PKD1L1: variants seen among roughly 807,000 people sequenced by gnomAD.
PKD1L1 encodes polycystin 1 like 1, transient receptor potential channel interacting, also known as polycystin-1-like protein 1.
Under a neutral mutation model 323.4 loss-of-function variants are expected in PKD1L1, and 236 were observed. That is an observed-to-expected ratio of 0.73 (90% CI 0.66 to 0.81). The LOEUF is 0.81. Among genes scored for constraint, PKD1L1 ranks in the 40% least tolerant of loss-of-function variants. The pLI is 0.00. For missense variants in PKD1L1, 3,320 were observed against 3,508.0 expected, an observed-to-expected ratio of 0.95 and a Z score of 1.35; for synonymous variants, 1,344 against 1,335.0, an observed-to-expected ratio of 1.01 and a Z score of -0.15.
intron 55 of PKD1L1, 33 bp downstream of exon 55, chr7:47,795,956 T>C: frequency 6.3e-7 from 1 of 1,598,372 alleles, no homozygotes; most frequent in South Asian, 1.1e-5. Flanking sequence ...GTGTGTGCTA[T>C]CATGCTCAGT....
chr7:47,954,602 T>C, the PKD1L1 span, among the ~76,000 whole-genome samples: 1 of 116,790 alleles, frequency 8.6e-6, no homozygotes, highest in Non-Finnish European at 2.0e-5. Context: ...CCTAAAACTG[T>C]AATTACTCTT....
At chr7:47,809,648 T>C in intron 50 of PKD1L1, 71 bp from the exon 51 acceptor site, 1 of 1,109,046 alleles carries the variant, frequency 9.0e-7, no homozygotes, top group Non-Finnish European at 1.3e-6. Context: ...GGTCTAAACA[T>C]GTGACCAGCT....
intron 18 of PKD1L1, among the ~76,000 whole-genome samples, chr7:47,885,067 C>T (rs865826662): frequency 6.6e-6 from 1 of 152,152 alleles, no homozygotes. Context: ...GAATGCCCTG[C>T]TGCAAATGTC....
chr7:47,880,318 G>A (rs1268529109), intron 21 of PKD1L1, among the ~76,000 whole-genome samples: 5 of 89,008 alleles, frequency 5.6e-5, no homozygotes, highest in Non-Finnish European at 1.0e-4. Flanking sequence ...GTCTTGCTCT[G>A]TCGCCCAGGC....
intron 15 of PKD1L1, among the ~76,000 whole-genome samples, chr7:47,892,907 A>G (rs1786853088): frequency 6.6e-6 from 1 of 152,074 alleles, no homozygotes; most frequent in East Asian, 1.9e-4. Context: ...AGAAAGGAAG[A>G]AAAAGAAAAA....
chr7:47,838,948 G>A (rs1714159430), intron 36 of PKD1L1, among the ~76,000 whole-genome samples: 1 of 151,640 alleles, frequency 6.6e-6, no homozygotes, highest in African/African-American at 2.4e-5. Flanking sequence ...TATGAAATGT[G>A]TTTGTATATA....
At position 47,858,897 on chromosome 7, in the gene PKD1L1, G is replaced by C; in HGVS notation, c.4150-12C>G. 1 of 1,611,648 alleles carries C rather than the reference G, an allele frequency of 6.2e-7. No individual in the cohort carries two copies. The highest frequency in any genetic ancestry group is 8.5e-7 in the Non-Finnish European group (1 of 1,178,466). On this transcript the variant is annotated splice_polypyrimidine_tract_variant and intron_variant, in intron 26 of 56. Transcript: ENST00000289672. ...CTCATAAAGCCTAGCTGCATGAACAGAAAAGATGTAAATAAAATGCCTGGC... is the reference window on the plus strand; with the variant it reads ...CTCATAAAGCCTAGCTGCATGAACACAAAAGATGTAAATAAAATGCCTGGC...
At chr7:47,869,669 T>C (rs905131169) in intron 24 of PKD1L1, among the ~76,000 whole-genome samples, 3 of 152,174 alleles carry the variant, frequency 2.0e-5, no homozygotes, top group Non-Finnish European at 4.4e-5. Context: ...CTGTCAATAA[T>C]GGATAGAACC....
At chr7:47,943,961 A>G (rs1788048575) in intron 1 of PKD1L1, among the ~76,000 whole-genome samples, 2 of 152,208 alleles carry the variant, frequency 1.3e-5, no homozygotes, top group South Asian at 4.1e-4. Flanking sequence ...TGCTGCAGAA[A>G]AGAACAGCAT....
At chr7:47,821,824 A>T (rs1277070594) in intron 45 of PKD1L1, among the ~76,000 whole-genome samples, 1 of 151,892 alleles carries the variant, frequency 6.6e-6, no homozygotes, top group Non-Finnish European at 1.5e-5. Context: ...AGTAGCAGGG[A>T]TTACAGGCAC....
chr7:47,912,636 T>C (rs1787344487), intron 8 of PKD1L1, among the ~76,000 whole-genome samples: 1 of 151,402 alleles, frequency 6.6e-6, no homozygotes, highest in African/African-American at 2.4e-5. Context: ...GCCTTCATGG[T>C]GAAATGCCAT....
intron 36 of PKD1L1, among the ~76,000 whole-genome samples, chr7:47,838,019 C>A (rs1162048664): frequency 6.6e-6 from 1 of 152,226 alleles, no homozygotes; most frequent in African/African-American, 2.4e-5. Flanking sequence ...CTCTCAAGCA[C>A]AACAGCTGGA....
chr7:47,825,213 C>CT lies in PKD1L1; in HGVS notation c.6854+2136dup, dbSNP rs988198889. ...ACTCTCTGTTCACTTTTCCAGTCCA[C>CT]TTTTTTTTTGTTTTAAAGAGTTGCT... On this transcript the variant is annotated intron_variant, in intron 45 of 56. Coordinates refer to ENST00000289672, the MANE Select transcript of PKD1L1 (RefSeq NM_138295.5). 2.5e-4 allele frequency among the ~76,000 whole-genome samples: 38 copies of CT among 150,432 alleles called. 1 individual carries two copies. Among genetic ancestry groups the CT allele is most frequent in the Non-Finnish European group, 3.7e-4 (25 of 67,032 alleles).
chr7:47,958,548 G>A, the PKD1L1 span, among the ~76,000 whole-genome samples: 1 of 152,122 alleles, frequency 6.6e-6, no homozygotes, highest in African/African-American at 2.4e-5. Context: ...TTATGAACAA[G>A]ACTTCAAAAG....
rs1378953803 is a variant in PKD1L1 at position 47,943,608 on chromosome 7, T to C, written c.45-97A>G. On this transcript the variant is annotated intron_variant, in intron 1 of 56. Transcript: ENST00000289672. ...ACTCTTCCATCCATATCCATATTTC[T>C]GCCACAAAAGTATTAAGTACAAAAT... The C allele has an allele frequency of 3.1e-6, 3 of 972,718 alleles. No homozygotes were observed. The African/African-American group carries it at 4.9e-5, about 16-fold the overall frequency. The allele number at this position is 972,718 out of a possible 1,614,324, so 60.3% of individuals were successfully genotyped here.
At chr7:47,937,997 C>T (rs1183697926) in intron 3 of PKD1L1, among the ~76,000 whole-genome samples, 1 of 152,056 alleles carries the variant, frequency 6.6e-6, no homozygotes, top group Admixed American at 6.5e-5. Flanking sequence ...AGCTGGCCAC[C>T]TTGTTTCCTA....
intron 17 of PKD1L1, among the ~76,000 whole-genome samples, chr7:47,887,785 A>G (rs1786715876): frequency 6.6e-6 from 1 of 152,154 alleles, no homozygotes; most frequent in South Asian, 2.1e-4. Context: ...GCAGCCCTTG[A>G]GTGTGTCACC....
chr7:47,876,710 G>T (rs140078937), intron 22 of PKD1L1, among the ~76,000 whole-genome samples: 2 of 152,168 alleles, frequency 1.3e-5, no homozygotes, highest in African/African-American at 4.8e-5. Flanking sequence ...TGAGAGGATG[G>T]AGAGGGCAGT....
intron 46 of PKD1L1, among the ~76,000 whole-genome samples, chr7:47,819,125 C>A (rs1215853865): frequency 1.3e-5 from 2 of 152,078 alleles, no homozygotes; most frequent in African/African-American, 4.8e-5. Flanking sequence ...GTATTGGGGG[C>A]TAGGGGGTGA....
Sources: gnomAD v4.1 joint callset for allele counts (sites outside exome capture counted in the v4.1 genomes callset) on GRCh38, gnomAD v4.1.1 for gene constraint, MANE v1.5 for transcripts, NCBI Gene and HGNC (gene_info 2026-07-23, HGNC 2026-07-21) for gene names.